The following SULT1B1 variants were observed in gnomAD, a reference collection of about 807,000 sequenced individuals.
The protein encoded by SULT1B1 is sulfotransferase family 1B member 1.
A neutral mutation model predicts 34.6 loss-of-function variants in SULT1B1; 28 were observed. The observed-to-expected ratio is 0.81, with a 90% confidence interval of 0.60 to 1.11. The LOEUF is 1.11. Among genes scored for constraint, SULT1B1 ranks in the 50% least tolerant of loss-of-function variants. SULT1B1 has a pLI of 0.00. For missense variants in SULT1B1, 374 were observed against 352.2 expected (o/e 1.06, Z -0.50); for synonymous variants, 147 against 110.2 (o/e 1.33, Z -2.09).
intron 2 of SULT1B1, 32 bp downstream of exon 2, chr4:69,755,038 C>A: frequency 6.4e-7 from 1 of 1,563,510 alleles, no homozygotes; most frequent in South Asian, 1.1e-5. Flanking sequence ...AAAATGAGGT[C>A]GGACTTGAAT....
intron 6 of SULT1B1, among the ~76,000 whole-genome samples, chr4:69,732,318 G>A (rs576296097): frequency 3.0e-4 from 46 of 152,224 alleles, no homozygotes; most frequent in African/African-American, 1.1e-3. Context: ...GCTAAGATAC[G>A]AGAAACCCCT....
In SULT1B1 at chr4:69,731,294, G is replaced by T. The variant is rs188670326; in HGVS notation, c.598-613C>A. On this transcript the variant is annotated intron_variant, in intron 6 of 7. Transcript: ENST00000310613. The stretch of plus-strand genomic sequence containing the variant: ...CCTTATTGTGAATTGAGTATGTGAG[G>T]GATCTAAGTTGCACACTCCTTATGA... Among the ~76,000 whole-genome samples, 21 of 152,248 alleles carry T rather than the reference G, an allele frequency of 1.4e-4. No individual in the cohort carries two copies. In the East Asian group the frequency reaches 3.7e-3, roughly 27 times the overall value.
rs960070723 is a variant in SULT1B1 at position 69,722,339 on chromosome 4, G to A, written c.*4749C>T. ...TGTAGCTAATCTATTACACAGATTA[G>A]AGGATAGTTTAGTGGTGTTTTTTCC... is the stretch of plus-strand genomic sequence containing the variant. On this transcript the variant is annotated 3_prime_UTR_variant, in exon 8 of 8. Transcript: ENST00000310613. 1 of 152,122 alleles carries A rather than the reference G, an allele frequency of 6.6e-6. No homozygotes were observed. The highest frequency in any genetic ancestry group is 2.4e-5 in the African/African-American group (1 of 41,438). 9.4% of individuals were successfully genotyped at this position (152,122 alleles called of 1,614,324 possible).
intron 1 of SULT1B1, among the ~76,000 whole-genome samples, chr4:69,755,602 G>C (rs1021970982): frequency 6.6e-6 from 1 of 152,178 alleles, no homozygotes; most frequent in Non-Finnish European, 1.5e-5. Flanking sequence ...TAAGACTTCA[G>C]CTACACGTCA....
chr4:69,744,651 T>G (rs1718682773), intron 4 of SULT1B1, among the ~76,000 whole-genome samples: 1 of 152,218 alleles, frequency 6.6e-6, no homozygotes, highest in Admixed American at 6.5e-5. Context: ...GTGGTATATC[T>G]TATTTATTCT....
At chr4:69,756,187 T>C (rs1161710685) in intron 1 of SULT1B1, among the ~76,000 whole-genome samples, 1 of 152,208 alleles carries the variant, frequency 6.6e-6, no homozygotes, top group African/African-American at 2.4e-5. Flanking sequence ...GTTATAATGA[T>C]TTTTTTCTTT....
At position 69,749,751 on chromosome 4, in the gene SULT1B1, A is replaced by G. The variant is rs759386230; in HGVS notation, c.345T>C (p.Leu115=). 6.2e-7 allele frequency: 1 copy of G among 1,613,604 alleles called. No individual in the cohort carries two copies. The highest frequency in any genetic ancestry group is 1.1e-5 in the South Asian group (1 of 91,080). ...IVKTHLPTDL[L]PKSFWENNCK... is the part of the protein sequence containing the mutation. Reference sequence around the variant, plus strand: ...AATTGTTTTCCCAGAAAGATTTAGGAAGAAGATCAGTCGGTAGATGTGTTT... The same window carrying G: ...AATTGTTTTCCCAGAAAGATTTAGGGAGAAGATCAGTCGGTAGATGTGTTT... Residue 115 remains leucine, a synonymous_variant, in exon 4 of 8, where the codon CTT becomes CTC. Transcript: ENST00000310613.
At position 69,749,891 on chromosome 4, in the gene SULT1B1, A is replaced by G. The variant is rs777342451; in HGVS notation, c.278-73T>C. 1.6e-5 allele frequency: 18 copies of G among 1,106,578 alleles called. No homozygotes were observed. The Admixed American group carries it at 2.3e-4, about 14-fold the overall frequency. 68.5% of individuals were successfully genotyped at this position (1,106,578 alleles called of 1,614,324 possible). On this transcript the variant is annotated intron_variant, in intron 3 of 7. Coordinates refer to ENST00000310613, the MANE Select transcript of SULT1B1 (RefSeq NM_014465.4). Reference sequence around the variant, plus strand: ...GCTACGTTTCCTTATTTTGCCAACCAGTTTTTCAAGACATTTTTGAGCATT... The same window carrying G: ...GCTACGTTTCCTTATTTTGCCAACCGGTTTTTCAAGACATTTTTGAGCATT...
chr4:69,742,916 C>A (rs1199566147), intron 4 of SULT1B1, among the ~76,000 whole-genome samples: 1 of 152,210 alleles, frequency 6.6e-6, no homozygotes, highest in East Asian at 1.9e-4. Flanking sequence ...TGCAGCTGGA[C>A]CAGGCACACC....
Position 69,757,002 on chromosome 4 carries a change from G to C in SULT1B1, c.-44-1741C>G, listed in dbSNP as rs116550052. On this transcript the variant is annotated intron_variant, in intron 1 of 7. Transcript: ENST00000310613. ...ACAGACACACACACACACACACAAAGTAATTTTTCATCAGACATCTGGGTT... is the reference window on the plus strand; with the variant it reads ...ACAGACACACACACACACACACAAACTAATTTTTCATCAGACATCTGGGTT... Among the ~76,000 whole-genome samples, 573 of 150,066 alleles carry C rather than the reference G, an allele frequency of 3.8e-3. 5 individuals are homozygous for C. Among genetic ancestry groups the C allele is most frequent in the African/African-American group, 0.013 (543 of 40,936 alleles).
rs753649402 is a variant in SULT1B1 at position 69,734,282 on chromosome 4, G to A, written c.376-18C>T. 5.0e-6 allele frequency: 8 copies of A among 1,597,036 alleles called. No homozygotes were observed. The highest frequency in any genetic ancestry group is 6.0e-6 in the Non-Finnish European group (7 of 1,173,128). On this transcript the variant is annotated intron_variant, in intron 4 of 7. Coordinates refer to ENST00000310613, the MANE Select transcript of SULT1B1 (RefSeq NM_014465.4). The stretch of plus-strand genomic sequence containing the variant: ...TAAATCATCTGCAGTGGGGGGTGGG[G>A]GTAGGAGAAAAAAATAAGATAAAAG...
intron 4 of SULT1B1, among the ~76,000 whole-genome samples, chr4:69,738,916 G>T (rs1466491551): frequency 6.6e-6 from 1 of 152,064 alleles, no homozygotes. Flanking sequence ...GGGGCTAGAG[G>T]CTCCATTCAA....
In SULT1B1 at chr4:69,755,163, G is replaced by A; in HGVS notation, c.55C>T (p.Pro19Ser). 1 of 1,613,794 alleles carries A rather than the reference G, an allele frequency of 6.2e-7. No individual in the cohort carries two copies. The highest frequency in any genetic ancestry group is 8.5e-7 in the Non-Finnish European group (1 of 1,179,698). Residue 19 changes from proline (P) to serine (S), a missense_variant, in exon 2 of 8, where the codon CCC (proline) becomes TCC (serine). Physicochemically the swap from Pro to Ser is moderately conservative, Grantham distance 74. Coordinates refer to ENST00000310613, the MANE Select transcript of SULT1B1 (RefSeq NM_014465.4). ...TTGCTTGCAAAAGCACAGGTCATGG[G>A]ATAACCATGGACCAACTTCAGATCT... is the stretch of plus-strand genomic sequence containing the variant. Reference protein sequence around the residue: ...RKDLKLVHGYPMTCAFASNWE... With the variant: ...RKDLKLVHGYSMTCAFASNWE...
At chr4:69,739,056 G>C (rs1469124809) in intron 4 of SULT1B1, among the ~76,000 whole-genome samples, 1 of 152,192 alleles carries the variant, frequency 6.6e-6, no homozygotes, top group Non-Finnish European at 1.5e-5. Flanking sequence ...CCACCCCTAT[G>C]ACTTTGCAAG....
chr4:69,743,322 T>C (rs1847361), intron 4 of SULT1B1, among the ~76,000 whole-genome samples: 44,812 of 151,928 alleles, frequency 0.29, 7,709 homozygotes, highest in South Asian at 0.45. Flanking sequence ...CACCCTGGAG[T>C]GAGTAGCTTC....
intron 6 of SULT1B1, 117 bp from the exon 7 acceptor site, chr4:69,730,798 ATTTG>A (rs1718051974): frequency 3.4e-6 from 3 of 885,750 alleles, no homozygotes; most frequent in Non-Finnish European, 5.0e-6. Flanking sequence ...GGAAATCCAT[ATTTG>A]TTTGGGTTTT....
chr4:69,754,922 CCAA>C (rs1264834001), intron 2 of SULT1B1, 124 bp from the exon 3 acceptor site: 7 of 1,275,836 alleles, frequency 5.5e-6, no homozygotes, highest in Non-Finnish European at 7.7e-6. Flanking sequence ...TTTCTATGCA[CCAA>C]ATGCCAATTT....
At chr4:69,753,659 C>G (rs1384062780) in intron 3 of SULT1B1, among the ~76,000 whole-genome samples, 1 of 152,132 alleles carries the variant, frequency 6.6e-6, no homozygotes, top group Non-Finnish European at 1.5e-5. Flanking sequence ...GTATGTACAA[C>G]TTTTTAATCT....
intron 1 of SULT1B1, among the ~76,000 whole-genome samples, chr4:69,759,932 GAGTCA>G (rs1315170829): frequency 6.6e-6 from 1 of 152,142 alleles, no homozygotes; most frequent in Non-Finnish European, 1.5e-5. Context: ...AGAAGAAACT[GAGTCA>G]TTTTACATTA....
Sources: allele counts gnomAD v4.1 joint callset (sites outside exome capture counted in the v4.1 genomes callset), GRCh38; gene constraint gnomAD v4.1.1; transcripts MANE v1.5; gene names NCBI Gene and HGNC (gene_info 2026-07-23, HGNC 2026-07-21).